Variants in PNPT1 observed in about 807,000 individuals in gnomAD.
The protein encoded by PNPT1 is polyribonucleotide nucleotidyltransferase 1.
In PNPT1, 53 loss-of-function variants were observed where a neutral mutation model predicts 119.5. That is an observed-to-expected ratio of 0.44 (90% CI 0.36 to 0.56). PNPT1 has a LOEUF of 0.56. Ranked by LOEUF, PNPT1 falls within the 20% of genes least tolerant of loss-of-function variation. The pLI, the probability that PNPT1 is intolerant of heterozygous loss-of-function variation, is 0.00. For missense variants in PNPT1, 948 were observed against 938.5 expected, an observed-to-expected ratio of 1.01 and a Z score of -0.13; for synonymous variants, 357 against 322.1, an observed-to-expected ratio of 1.11 and a Z score of -1.16.
chr2:55,654,326 A>G (rs1696314860), intron 18 of PNPT1, among the ~76,000 whole-genome samples: 1 of 152,042 alleles, frequency 6.6e-6, no homozygotes, highest in African/African-American at 2.4e-5. Context: ...TGGGGATTAT[A>G]ATGAAACATT....
intron 18 of PNPT1, among the ~76,000 whole-genome samples, chr2:55,648,548 T>C (rs148987162): frequency 6.6e-6 from 1 of 152,356 alleles, no homozygotes; most frequent in East Asian, 1.9e-4. Flanking sequence ...ATGGTTATTT[T>C]AAATCTGACT....
At chr2:55,680,362 A>G (rs1483001502) in intron 7 of PNPT1, among the ~76,000 whole-genome samples, 3 of 151,620 alleles carry the variant, frequency 2.0e-5, no homozygotes, top group African/African-American at 7.3e-5. Context: ...TTATGAACTT[A>G]TAACAGCCGT....
chr2:55,644,929 T>G, intron 22 of PNPT1: 1 of 410,608 alleles, frequency 2.4e-6, no homozygotes, highest in Non-Finnish European at 4.3e-6. Flanking sequence ...CAAAAGTATT[T>G]AAAATATTTT....
rs751545257 is a variant in PNPT1 at position 55,644,729 on chromosome 2, T to C, written c.1823-9A>G. 1.9e-6 allele frequency: 3 copies of C among 1,590,454 alleles called. No individual in the cohort carries two copies. The East Asian group carries it at 6.7e-5, about 36-fold the overall frequency. ...TGGAACCTGAACAGTTTCTGGAACG[T>C]AATACAGACAAATATATAAACAATT... is the stretch of plus-strand genomic sequence containing the variant. On this transcript the variant is annotated splice_polypyrimidine_tract_variant and intron_variant, in intron 22 of 27. Transcript: ENST00000447944.
intron 8 of PNPT1, among the ~76,000 whole-genome samples, chr2:55,677,101 A>C (rs1188234762): frequency 6.6e-6 from 1 of 152,184 alleles, no homozygotes; most frequent in African/African-American, 2.4e-5. Flanking sequence ...AAAGTCATAA[A>C]ATGGAGGCTG....
In PNPT1 at chr2:55,693,660, T is replaced by C; in HGVS notation, c.161+3A>G. 6.2e-7 allele frequency: 1 copy of C among 1,614,230 alleles called. No homozygotes were observed. Among genetic ancestry groups the C allele is most frequent in the South Asian group, 1.1e-5 (1 of 91,090 alleles). On this transcript the variant is annotated splice_donor_region_variant and intron_variant, in intron 1 of 27. Transcript: ENST00000447944. ...AATACAGTGAACGCACGTCACTCCT[T>C]ACCTGTTGCCTAAGTCCACGGCCAC...
intron 13 of PNPT1, among the ~76,000 whole-genome samples, chr2:55,664,279 G>C (rs780438338): frequency 6.6e-6 from 1 of 152,172 alleles, no homozygotes; most frequent in Non-Finnish European, 1.5e-5. Context: ...TGGTTGCGAA[G>C]TTTCTTCATT....
chr2:55,641,107 C>T (rs569582004), intron 25 of PNPT1, among the ~76,000 whole-genome samples: 150 of 151,972 alleles, frequency 9.9e-4, no homozygotes, highest in Middle Eastern at 6.8e-3. Flanking sequence ...ACCTGTAATC[C>T]CAGCTACTCA....
At chr2:55,687,369 G>A (rs965332117) in intron 2 of PNPT1, among the ~76,000 whole-genome samples, 2 of 152,114 alleles carry the variant, frequency 1.3e-5, no homozygotes, top group African/African-American at 4.8e-5. Context: ...GAACCCAGGA[G>A]GCAGAGGTTG....
At chr2:55,664,405 T>G (rs145523515) in intron 13 of PNPT1, among the ~76,000 whole-genome samples, 2 of 152,302 alleles carry the variant, frequency 1.3e-5, no homozygotes, top group East Asian at 3.9e-4. Context: ...AATTCAAGAC[T>G]AGCCTGGGCA....
chr2:55,662,101 C>T, intron 13 of PNPT1, 75 bp from the exon 14 acceptor site: 1 of 1,251,264 alleles, frequency 8.0e-7, no homozygotes. Flanking sequence ...CTTGAAGAAT[C>T]CAACTAACTC....
At chr2:55,650,274 CTGCGATTGCA>C (rs1696132714) in intron 18 of PNPT1, among the ~76,000 whole-genome samples, 1 of 152,208 alleles carries the variant, frequency 6.6e-6, no homozygotes, top group South Asian at 2.1e-4. Flanking sequence ...TGCCGACTGC[CTGCGATTGCA>C]GGCGCGCGCC....
Position 55,667,026 on chromosome 2 carries a change from G to C in PNPT1, c.1141C>G (p.His381Asp), listed in dbSNP as rs267599414. Residue 381 changes from histidine to aspartate, a missense_variant, in exon 13 of 28, where the codon CAT (histidine) becomes GAT (aspartate). Coordinates refer to ENST00000447944, the MANE Select transcript of PNPT1 (RefSeq NM_033109.5). ...SCEVDMFKTLHGSALFQRGQT... is the reference protein window; with the variant it reads ...SCEVDMFKTLDGSALFQRGQT... The stretch of plus-strand genomic sequence containing the variant: ...CCTCTTTGAAATAATGCTGATCCAT[G>C]AAGGGTTTTAAACATATCTACCTCA... 1 of 1,605,622 alleles carries C rather than the reference G, an allele frequency of 6.2e-7. No homozygotes were observed. Among genetic ancestry groups the C allele is most frequent in the African/African-American group, 1.3e-5 (1 of 74,558 alleles).
intron 18 of PNPT1, among the ~76,000 whole-genome samples, chr2:55,650,687 C>G (rs1327939962): frequency 2.0e-5 from 3 of 149,434 alleles, no homozygotes; most frequent in Middle Eastern, 3.6e-3. Context: ...CCGCCCCGTC[C>G]GGGATGTGAG....
intron 18 of PNPT1, among the ~76,000 whole-genome samples, chr2:55,651,281 C>A (rs1331776001): frequency 6.6e-6 from 1 of 152,030 alleles, no homozygotes; most frequent in East Asian, 1.9e-4. Flanking sequence ...GTGTGCCCAA[C>A]AGCTCATTGA....
chr2:55,662,105 C>A, intron 13 of PNPT1, 79 bp from the exon 14 acceptor site: 1 of 1,235,152 alleles, frequency 8.1e-7, no homozygotes, highest in Non-Finnish European at 1.1e-6. Context: ...AAGAATCCAA[C>A]TAACTCTTAA....
rs868378962 is a variant in PNPT1 at position 55,651,564 on chromosome 2, C to T, written c.1495+3336G>A. 1.7e-3 allele frequency among the ~76,000 whole-genome samples: 253 copies of T among 152,024 alleles called. 1 individual carries two copies. Among genetic ancestry groups the T allele is most frequent in the African/African-American group, 5.5e-3 (229 of 41,428 alleles). ...TGCAAGATGTGCTTTGTTAAACAGA[C>T]GCTTGAAGGCAGCATGCTCCTTAAG... On this transcript the variant is annotated intron_variant, in intron 18 of 27. Coordinates refer to ENST00000447944, the MANE Select transcript of PNPT1 (RefSeq NM_033109.5).
At chr2:55,654,241 A>T (rs965842947) in intron 18 of PNPT1, among the ~76,000 whole-genome samples, 4 of 141,944 alleles carry the variant, frequency 2.8e-5, no homozygotes, top group Non-Finnish European at 6.0e-5. Flanking sequence ...TGGACAACAG[A>T]GCGAGACTCT....
intron 15 of PNPT1, 25 bp from the exon 16 acceptor site, chr2:55,656,396 C>G (rs1392337143): frequency 2.0e-6 from 3 of 1,525,844 alleles, no homozygotes; most frequent in African/African-American, 1.4e-5. Context: ...AACACAAACA[C>G]ACATATACAA....
Sources: gnomAD v4.1 joint callset for allele counts (sites outside exome capture counted in the v4.1 genomes callset) on GRCh38, gnomAD v4.1.1 for gene constraint, MANE v1.5 for transcripts, NCBI Gene and HGNC (gene_info 2026-07-23, HGNC 2026-07-21) for gene names.